HOMER2: variants seen among roughly 807,000 people sequenced by gnomAD.
The protein encoded by HOMER2 is homer scaffold protein 2, also known as homer protein homolog 2.
HOMER2 carries 27 observed loss-of-function variants against 47.0 expected under a neutral mutation model. That is an observed-to-expected ratio of 0.57 (90% CI 0.42 to 0.79). HOMER2 has a LOEUF of 0.79. HOMER2 is among the 30% of genes least tolerant of loss of function. The pLI is 0.00. For synonymous variants in HOMER2, 161 were observed against 163.8 expected (o/e 0.98, Z 0.13); for missense variants, 443 against 435.0 (o/e 1.02, Z -0.16).
chr15:82,892,912 C>T (rs1266902217), intron 1 of HOMER2, 71 bp from the exon 2 acceptor site: 3 of 1,219,104 alleles, frequency 2.5e-6, no homozygotes, highest in Non-Finnish European at 3.3e-6. Context: ...TTCTAGGCCA[C>T]CTACTGCCCC....
At chr15:82,963,228 G>A (rs541632201) in intron 1 of HOMER2, among the ~76,000 whole-genome samples, 61 of 152,128 alleles carry the variant, frequency 4.0e-4, no homozygotes, top group Non-Finnish European at 7.9e-4. Context: ...GGGATTACAG[G>A]TGCATGCCAC....
intron 5 of HOMER2, among the ~76,000 whole-genome samples, chr15:82,858,236 C>G (rs2051651035): frequency 1.3e-5 from 2 of 152,002 alleles, no homozygotes; most frequent in Non-Finnish European, 2.9e-5. Context: ...TGTGTGATTT[C>G]ATATTTTAAT....
At chr15:82,960,493 A>G (rs1226542148) in intron 1 of HOMER2, among the ~76,000 whole-genome samples, 1 of 152,174 alleles carries the variant, frequency 6.6e-6, no homozygotes, top group Non-Finnish European at 1.5e-5. Context: ...CCAAGGGGCC[A>G]TTCTGTTCTA....
chr15:82,895,519 A>G (rs2052880524), intron 1 of HOMER2, among the ~76,000 whole-genome samples: 1 of 152,226 alleles, frequency 6.6e-6, no homozygotes, highest in Non-Finnish European at 1.5e-5. Flanking sequence ...GTACAACACC[A>G]TAAAGGAAAA....
intron 2 of HOMER2, among the ~76,000 whole-genome samples, chr15:82,876,466 A>G (rs2052353857): frequency 6.6e-6 from 1 of 152,238 alleles, no homozygotes; most frequent in East Asian, 1.9e-4. Context: ...CAAACAATTG[A>G]TAAGGGTTAT....
chr15:82,965,750 A>G (rs1228937698), intron 1 of HOMER2, among the ~76,000 whole-genome samples: 2 of 151,720 alleles, frequency 1.3e-5, no homozygotes, highest in Non-Finnish European at 2.9e-5. Context: ...TCCTGAAGAG[A>G]AGTGGGTCCT....
upstream of HOMER2, among the ~76,000 whole-genome samples, chr15:82,957,107 T>A (rs1220977202): frequency 1.3e-5 from 2 of 152,128 alleles, no homozygotes; most frequent in Non-Finnish European, 1.5e-5. Context: ...TGAAACCCTG[T>A]CTCTACTGAA....
intron 1 of HOMER2, among the ~76,000 whole-genome samples, chr15:82,983,026 T>G (rs2151265437): frequency 6.6e-6 from 1 of 152,316 alleles, no homozygotes; most frequent in East Asian, 1.9e-4. Flanking sequence ...AAAACATCAT[T>G]AAGTCAAAAA....
intron 1 of HOMER2, among the ~76,000 whole-genome samples, chr15:82,961,525 A>G (rs150787787): frequency 4.7e-4 from 72 of 152,368 alleles, no homozygotes; most frequent in African/African-American, 1.5e-3. Context: ...TTACTCAAGT[A>G]TCCCTTTAAA....
intron 1 of HOMER2, among the ~76,000 whole-genome samples, chr15:82,979,371 A>T (rs531274365): frequency 6.6e-6 from 1 of 152,314 alleles, no homozygotes; most frequent in South Asian, 2.1e-4. Flanking sequence ...ACTGAAAGGT[A>T]AATGGATCCA....
At chr15:82,859,281 G>A in intron 4 of HOMER2, 146 bp from the exon 5 acceptor site, 1 of 1,086,456 alleles carries the variant, frequency 9.2e-7, no homozygotes, top group South Asian at 1.6e-5. Flanking sequence ...CAACCAGAAT[G>A]CAGCAAAGAC....
At chr15:82,979,906 G>A (rs2030333404) in intron 1 of HOMER2, among the ~76,000 whole-genome samples, 1 of 152,092 alleles carries the variant, frequency 6.6e-6, no homozygotes, top group African/African-American at 2.4e-5. Flanking sequence ...GCTCATATGT[G>A]ATGGATGGCT....
rs1011593119 is a variant in HOMER2, at chr15:82,933,844, A to G, written c.5+18687T>C. ...TCCCCAAGTCTCTCTCACACTCACG[A>G]AAGACCCGCCCCACTCCCCATGCCC... On this transcript the variant is annotated intron_variant, in intron 1 of 8. Transcript: ENST00000450735. Among the ~76,000 whole-genome samples, 4 of 152,174 alleles carry G rather than the reference A, an allele frequency of 2.6e-5. No individual in the cohort carries two copies. The East Asian group carries it at 7.7e-4, about 29-fold the overall frequency.
In HOMER2 at chr15:82,852,470, C is replaced by G. The variant is rs2051428070; in HGVS notation, c.652-218G>C. On this transcript the variant is annotated intron_variant, in intron 6 of 8. Transcript: ENST00000450735. ...ACCTGCTTTGCACATGATGCCTTAC[C>G]AGAGGCATCTTACCAGCAGAGCCAA... is the stretch of plus-strand genomic sequence containing the variant. The G allele has an allele frequency of 8.5e-6, 4 of 471,030 alleles. No individual in the cohort carries two copies. The Middle Eastern group carries it at 1.5e-3, about 173-fold the overall frequency. 29.2% of individuals were successfully genotyped at this position (471,030 alleles called of 1,614,324 possible).
intron 6 of HOMER2, 37 bp from the exon 7 acceptor site, chr15:82,852,289 G>A: frequency 1.4e-6 from 2 of 1,417,134 alleles, no homozygotes; most frequent in Non-Finnish European, 1.0e-6. Context: ...AGGGACGCCA[G>A]CTTAACATTA....
intron 3 of HOMER2, among the ~76,000 whole-genome samples, chr15:82,867,048 CAG>C (rs552585681): frequency 5.3e-5 from 8 of 152,092 alleles, no homozygotes; most frequent in African/African-American, 1.4e-4. Context: ...AAGGGGGAAA[CAG>C]AAATTAATGA....
At chr15:82,851,052 C>CA in intron 8 of HOMER2, 99 bp downstream of exon 8, 1 of 811,904 alleles carries the variant, frequency 1.2e-6, no homozygotes, top group Non-Finnish European at 2.0e-6. Context: ...TCTCCTTCAG[C>CA]ATTCTCAGTG....
intron 3 of HOMER2, among the ~76,000 whole-genome samples, chr15:82,869,487 C>T (rs1456919272): frequency 3.0e-5 from 3 of 99,630 alleles, no homozygotes; most frequent in African/African-American, 1.2e-4. Context: ...GAGACAGAGT[C>T]TCACTCTGTT....
At chr15:82,968,599 A>G (rs1387657562) in intron 1 of HOMER2, among the ~76,000 whole-genome samples, 1 of 152,202 alleles carries the variant, frequency 6.6e-6, no homozygotes, top group Non-Finnish European at 1.5e-5. Context: ...TTCTATACAC[A>G]CTGTTCTGCA....
Sources: allele counts gnomAD v4.1 joint callset (sites outside exome capture counted in the v4.1 genomes callset), GRCh38; gene constraint gnomAD v4.1.1; transcripts MANE v1.5; gene names NCBI Gene and HGNC (gene_info 2026-07-23, HGNC 2026-07-21).